LPP: variants seen among roughly 807,000 people sequenced by gnomAD.
The protein encoded by LPP is LIM domain containing preferred translocation partner in lipoma.
LPP carries 38 observed loss-of-function variants against 60.4 expected under a neutral mutation model. That is an observed-to-expected ratio of 0.63 (90% CI 0.49 to 0.83). The LOEUF (loss-of-function observed/expected upper bound fraction) is 0.83, where lower values mean the gene tolerates loss of function less well. Among genes scored for constraint, LPP ranks in the 40% least tolerant of loss-of-function variants. LPP has a pLI of 0.00. For missense variants in LPP, 902 were observed against 783.6 expected (o/e 1.15, Z -1.80); for synonymous variants, 328 against 290.8 (o/e 1.13, Z -1.30).
chr3:188,273,705 C>T (rs941626761), intron 2 of LPP, among the ~76,000 whole-genome samples: 16 of 145,504 alleles, frequency 1.1e-4, no homozygotes, highest in East Asian at 2.1e-4. Flanking sequence ...AAGCGATTCT[C>T]GTGCCTCAGC....
intron 2 of LPP, among the ~76,000 whole-genome samples, chr3:188,252,075 T>TATACACACAC (rs1233544060): frequency 8.5e-5 from 5 of 58,488 alleles, no homozygotes; most frequent in African/African-American, 3.7e-4. Context: ...TATATATATA[T>TATACACACAC]ACACACACAC....
intron 9 of LPP, among the ~76,000 whole-genome samples, chr3:188,824,839 G>A (rs998274015): frequency 5.3e-5 from 8 of 152,166 alleles, no homozygotes; most frequent in African/African-American, 1.4e-4. Context: ...TCTCACAGCC[G>A]CCTTCATAAA....
intron 5 of LPP, among the ~76,000 whole-genome samples, chr3:188,493,194 T>G (rs1808908764): frequency 6.6e-6 from 1 of 152,176 alleles, no homozygotes; most frequent in African/African-American, 2.4e-5. Flanking sequence ...TGGCTATAAG[T>G]AGAATTCTCG....
At chr3:188,348,879 C>T (rs1167512649) in intron 3 of LPP, among the ~76,000 whole-genome samples, 3 of 144,848 alleles carry the variant, frequency 2.1e-5, no homozygotes, top group African/African-American at 5.1e-5. Flanking sequence ...CTTGAGATAG[C>T]GGGGTCCGGG....
intron 7 of LPP, among the ~76,000 whole-genome samples, chr3:188,664,212 A>G (rs1181098622): frequency 6.6e-6 from 1 of 152,202 alleles, no homozygotes; most frequent in Non-Finnish European, 1.5e-5. Flanking sequence ...CATTTATTGT[A>G]TATCTTTAAT....
chr3:188,272,424 A>G (rs944208571), intron 2 of LPP, among the ~76,000 whole-genome samples: 4 of 152,160 alleles, frequency 2.6e-5, no homozygotes, highest in Admixed American at 2.0e-4. Context: ...TAATATTAGG[A>G]CCAAATTCTT....
intron 2 of LPP, among the ~76,000 whole-genome samples, chr3:188,249,157 G>A (rs1401977738): frequency 6.6e-6 from 1 of 152,152 alleles, no homozygotes; most frequent in East Asian, 1.9e-4. Flanking sequence ...CCCAGCACTT[G>A]GGAGGCCGAG....
intron 2 of LPP, among the ~76,000 whole-genome samples, chr3:188,264,672 C>T (rs1313885538): frequency 6.6e-6 from 1 of 152,072 alleles, no homozygotes; most frequent in African/African-American, 2.4e-5. Context: ...AGGGTGAGGG[C>T]CTGCCAAAGC....
At chr3:188,184,421 G>A (rs373873101) in intron 1 of LPP, among the ~76,000 whole-genome samples, 3 of 152,338 alleles carry the variant, frequency 2.0e-5, no homozygotes, top group Non-Finnish European at 4.4e-5. Context: ...GGAGTGTGGG[G>A]AGAGAGACAA....
At chr3:188,805,224 A>G (rs918737141) in intron 9 of LPP, among the ~76,000 whole-genome samples, 1 of 151,998 alleles carries the variant, frequency 6.6e-6, no homozygotes, top group Non-Finnish European at 1.5e-5. Flanking sequence ...GGAATTGATG[A>G]GTTCCTTCCT....
At chr3:188,719,100 T>A (rs908080197) in intron 8 of LPP, among the ~76,000 whole-genome samples, 1 of 152,206 alleles carries the variant, frequency 6.6e-6, no homozygotes, top group East Asian at 1.9e-4. Context: ...TGATCTCTTT[T>A]GCATGTATCT....
At chr3:188,250,794 C>T (rs9754528) in intron 2 of LPP, among the ~76,000 whole-genome samples, 5 of 114,130 alleles carry the variant, frequency 4.4e-5, no homozygotes, top group South Asian at 2.8e-4. Flanking sequence ...TTCTGTCTTT[C>T]TCTTTCTTTC....
At chr3:188,218,758 A>G (rs1187011966) in intron 1 of LPP, among the ~76,000 whole-genome samples, 1 of 152,224 alleles carries the variant, frequency 6.6e-6, no homozygotes, top group Admixed American at 6.5e-5. Flanking sequence ...TAATTACAGC[A>G]CAGTGAGATA....
At chr3:188,648,745 T>C (rs1851553701) in intron 7 of LPP, among the ~76,000 whole-genome samples, 1 of 152,236 alleles carries the variant, frequency 6.6e-6, no homozygotes, top group Admixed American at 6.5e-5. Flanking sequence ...TAATGATGAC[T>C]CTGGTGCTCA....
chr3:188,618,900 GATTT>G (rs1460690426), intron 7 of LPP, among the ~76,000 whole-genome samples: 1 of 152,126 alleles, frequency 6.6e-6, no homozygotes, highest in Non-Finnish European at 1.5e-5. Flanking sequence ...TTTATTTATG[GATTT>G]ATCAGTTAGC....
intron 2 of LPP, among the ~76,000 whole-genome samples, chr3:188,257,171 C>G (rs1473924686): frequency 6.6e-6 from 1 of 152,156 alleles, no homozygotes; most frequent in Non-Finnish European, 1.5e-5. Context: ...GTCCCTGATG[C>G]ACATATAGTA....
At chr3:188,592,562 T>TTTTTTTTTTTTTTTTTTTTTTTGTTTG in intron 6 of LPP, among the ~76,000 whole-genome samples, 1 of 53,734 alleles carries the variant, frequency 1.9e-5, no homozygotes, top group Admixed American at 1.7e-4. Context: ...TTTTTGTTTT[T>TTTTTTTTTTTTTTTTTTTTTTTGTTTG]TAAATGGAGT....
At chr3:188,663,996 A>G (rs1338436336) in intron 7 of LPP, among the ~76,000 whole-genome samples, 1 of 152,212 alleles carries the variant, frequency 6.6e-6, no homozygotes, top group Non-Finnish European at 1.5e-5. Context: ...CTATCAGTCC[A>G]TAGCCTGGGG....
At chr3:188,806,079 C>T (rs1354644319) in intron 9 of LPP, among the ~76,000 whole-genome samples, 1 of 151,764 alleles carries the variant, frequency 6.6e-6, no homozygotes, top group Non-Finnish European at 1.5e-5. Flanking sequence ...CTATAGTTGT[C>T]AATTAGGTTA....
Sources: gnomAD v4.1 joint callset for allele counts (sites outside exome capture counted in the v4.1 genomes callset) on GRCh38, gnomAD v4.1.1 for gene constraint, MANE v1.5 for transcripts, NCBI Gene and HGNC (gene_info 2026-07-23, HGNC 2026-07-21) for gene names.